Variants in OPCML observed in about 807,000 individuals in gnomAD.
The protein encoded by OPCML is opioid-binding protein/cell adhesion molecule.
In OPCML, 13 loss-of-function variants were observed where a neutral mutation model predicts 37.8. The observed-to-expected ratio is 0.34, with a 90% CI of 0.22 to 0.55. The LOEUF is 0.55. OPCML is among the 20% of genes least tolerant of loss of function. OPCML has a pLI of 0.91. For synonymous variants in OPCML, 176 were observed against 168.8 expected, an observed-to-expected ratio of 1.04 and a Z score of -0.33; for missense variants, 341 against 435.6, an observed-to-expected ratio of 0.78 and a Z score of 1.93.
intron 2 of OPCML, among the ~76,000 whole-genome samples, chr11:132,735,225 C>T (rs1014596684): frequency 1.3e-5 from 2 of 152,016 alleles, no homozygotes; most frequent in Non-Finnish European, 2.9e-5. Flanking sequence ...AACTATCAGG[C>T]AAACTTGGTA....
At chr11:133,200,769 C>G (rs537698027) in intron 1 of OPCML, among the ~76,000 whole-genome samples, 2 of 152,154 alleles carry the variant, frequency 1.3e-5, no homozygotes, top group Non-Finnish European at 2.9e-5. Context: ...ACCCAGTAAT[C>G]CCTTTGTTGG....
At chr11:132,839,314 C>A (rs1941183351) in intron 2 of OPCML, among the ~76,000 whole-genome samples, 2 of 152,116 alleles carry the variant, frequency 1.3e-5, no homozygotes, top group South Asian at 2.1e-4. Flanking sequence ...CAGAGAGGAG[C>A]GACAGGGGAA....
chr11:133,109,343 G>A (rs775515996), intron 1 of OPCML, among the ~76,000 whole-genome samples: 3 of 152,138 alleles, frequency 2.0e-5, no homozygotes, highest in South Asian at 4.1e-4. Flanking sequence ...GTGGGTTACC[G>A]CTGCTGGCTG....
chr11:133,269,868 A>C (rs1402069877), intron 1 of OPCML, among the ~76,000 whole-genome samples: 1 of 152,226 alleles, frequency 6.6e-6, no homozygotes, highest in South Asian at 2.1e-4. Context: ...GCACCCCTGT[A>C]GTTAAAGATC....
At chr11:133,091,872 T>C (rs1042373617) in intron 1 of OPCML, among the ~76,000 whole-genome samples, 1 of 152,120 alleles carries the variant, frequency 6.6e-6, no homozygotes, top group African/African-American at 2.4e-5. Flanking sequence ...ATTAAGACTT[T>C]TGGGGCTATT....
At chr11:132,829,816 T>C (rs1337619547) in intron 2 of OPCML, among the ~76,000 whole-genome samples, 2 of 152,338 alleles carry the variant, frequency 1.3e-5, no homozygotes, top group South Asian at 2.1e-4. Context: ...ACAGACTCTA[T>C]TTTTCTCATG....
chr11:133,366,321 A>AGGCT (rs1944539048), intron 1 of OPCML, among the ~76,000 whole-genome samples: 1 of 152,188 alleles, frequency 6.6e-6, no homozygotes, highest in African/African-American at 2.4e-5. Flanking sequence ...CACCGACGTG[A>AGGCT]GGCTGCATGA....
intron 1 of OPCML, among the ~76,000 whole-genome samples, chr11:133,279,042 A>G (rs955252974): frequency 6.6e-6 from 1 of 152,204 alleles, no homozygotes; most frequent in African/African-American, 2.4e-5. Flanking sequence ...GGGTGATTTC[A>G]CAGAATCAGG....
At chr11:132,707,445 C>A (rs1192594347) in intron 2 of OPCML, among the ~76,000 whole-genome samples, 1 of 152,170 alleles carries the variant, frequency 6.6e-6, no homozygotes, top group African/African-American at 2.4e-5. Context: ...CTGCTAGGCA[C>A]TTTTGGTCCA....
chr11:132,801,087 T>G (rs1376483548), intron 2 of OPCML, among the ~76,000 whole-genome samples: 1 of 152,230 alleles, frequency 6.6e-6, no homozygotes, highest in Non-Finnish European at 1.5e-5. Context: ...ATAGGTCTAC[T>G]CAAATTTTTA....
intron 2 of OPCML, among the ~76,000 whole-genome samples, chr11:132,782,577 C>T (rs1370536347): frequency 6.6e-6 from 1 of 152,084 alleles, no homozygotes; most frequent in African/African-American, 2.4e-5. Flanking sequence ...TTTGGTCCCG[C>T]TTTTTGGCTA....
intron 1 of OPCML, among the ~76,000 whole-genome samples, chr11:133,039,562 T>A (rs1591939864): frequency 2.0e-5 from 3 of 151,608 alleles, no homozygotes; most frequent in African/African-American, 7.3e-5. Flanking sequence ...GAACAGGGGG[T>A]GGATGGTGCT....
chr11:132,451,888 G>A (rs1159237077), intron 4 of OPCML, among the ~76,000 whole-genome samples: 1 of 152,078 alleles, frequency 6.6e-6, no homozygotes, highest in Non-Finnish European at 1.5e-5. Context: ...GGTTTTTTGT[G>A]CCCCGTTTTC....
chr11:132,540,556 C>T (rs2096353777), intron 3 of OPCML, among the ~76,000 whole-genome samples: 1 of 152,124 alleles, frequency 6.6e-6, no homozygotes, highest in African/African-American at 2.4e-5. Context: ...AATGAGACTC[C>T]CTCCATGTCC....
At chr11:133,378,838 T>G (rs1045888261) in intron 1 of OPCML, among the ~76,000 whole-genome samples, 2 of 152,210 alleles carry the variant, frequency 1.3e-5, no homozygotes, top group Admixed American at 1.3e-4. Context: ...GCTCCAGAGA[T>G]CCTCCTGGAG....
At position 132,882,477 on chromosome 11, in the gene OPCML, T is replaced by C. The variant is rs374782640; in HGVS notation, c.146+60449A>G. On this transcript the variant is annotated intron_variant, in intron 2 of 7. Coordinates refer to ENST00000524381, the MANE Select transcript of OPCML (RefSeq NM_001012393.5). Reference sequence around the variant, plus strand: ...GTCATTTGTGTCCCATCCTCTCTTATTGAGATTTATAGGTCATTCTGGAGT... The same window carrying C: ...GTCATTTGTGTCCCATCCTCTCTTACTGAGATTTATAGGTCATTCTGGAGT... Among the ~76,000 whole-genome samples, 6 of 152,300 alleles carry C rather than the reference T, an allele frequency of 3.9e-5. No homozygotes were observed. The East Asian group carries it at 7.7e-4, about 20-fold the overall frequency.
At chr11:133,401,920 C>A (rs1945412597) in intron 1 of OPCML, among the ~76,000 whole-genome samples, 1 of 152,170 alleles carries the variant, frequency 6.6e-6, no homozygotes, top group Admixed American at 6.5e-5. Flanking sequence ...CTCAGTGCAG[C>A]AGCCAGGCAA....
chr11:132,584,915 C>A (rs1048927982), intron 3 of OPCML, among the ~76,000 whole-genome samples: 1 of 152,160 alleles, frequency 6.6e-6, no homozygotes, highest in Non-Finnish European at 1.5e-5. Context: ...GGTATGGAAG[C>A]AGCTGGACTG....
chr11:132,659,704 C>CTG (rs58318033), intron 2 of OPCML, among the ~76,000 whole-genome samples: 6,596 of 147,266 alleles, frequency 0.045, 364 homozygotes, highest in African/African-American at 0.14. Context: ...CACAAAATTC[C>CTG]TGTGTGTGTG....
Sources: allele counts gnomAD v4.1 joint callset (sites outside exome capture counted in the v4.1 genomes callset), GRCh38; gene constraint gnomAD v4.1.1; transcripts MANE v1.5; gene names NCBI Gene and HGNC (gene_info 2026-07-23, HGNC 2026-07-21).